The following DMD variants were observed in gnomAD, a reference collection of about 807,000 sequenced individuals.
DMD encodes mutant dystrophin.
A neutral mutation model predicts 330.1 loss-of-function variants in DMD; 63 were observed. That is an observed-to-expected ratio of 0.19 (90% CI 0.16 to 0.24). The LOEUF (loss-of-function observed/expected upper bound fraction) is 0.24, where lower values mean the gene tolerates loss of function less well. Among genes scored for constraint, DMD ranks in the 10% least tolerant of loss-of-function variants. The probability of loss-of-function intolerance (pLI) is 1.00; values close to 1 mark genes in which losing one functional copy is unlikely to be tolerated. For synonymous variants in DMD, 1,223 were observed against 959.8 expected (o/e 1.27, Z -5.07); for missense variants, 3,344 against 2,684.1 (o/e 1.25, Z -5.43).
intron 1 of DMD, among the ~76,000 whole-genome samples, chrX:33,311,497 G>A (rs1339561422): frequency 6.3e-5 from 7 of 110,600 alleles, no homozygotes; most frequent in Non-Finnish European, 9.5e-5. Context: ...AAATAATATG[G>A]TGAAATAGCA....
In DMD at chrX:32,539,518, T is replaced by TA. The variant is rs3073877; in HGVS notation, c.2168+5640dup. 6.3e-3 allele frequency among the ~76,000 whole-genome samples: 667 copies of TA among 105,695 alleles called. 3 individuals are homozygous for TA. The highest frequency in any genetic ancestry group is 0.021 in the African/African-American group (626 of 29,222). The allele number at this position is 105,695 out of a possible 115,157, so 91.8% of individuals were successfully genotyped here. A position where few individuals can be genotyped will look rare whatever the true frequency, so the allele number is the denominator to read the frequency against. ...AGGATCAATTTATCATATAGAACATTAAAAAAAAAAAGTTCACGGACACAT... is the reference window on the plus strand; with the variant it reads ...AGGATCAATTTATCATATAGAACATTAAAAAAAAAAAAGTTCACGGACACAT... On this transcript the variant is annotated intron_variant, in intron 17 of 78. Coordinates refer to ENST00000357033, the MANE Select transcript of DMD (RefSeq NM_004006.3).
chrX:31,723,749 C>G (rs1208664413), intron 52 of DMD, among the ~76,000 whole-genome samples: 1 of 109,359 alleles, frequency 9.1e-6, no homozygotes, highest in Non-Finnish European at 1.9e-5. Flanking sequence ...CCTGAAATAC[C>G]CTTCCCTCTC....
At chrX:32,983,025 C>T (rs2092746256) in intron 2 of DMD, among the ~76,000 whole-genome samples, 1 of 111,963 alleles carries the variant, frequency 8.9e-6, no homozygotes, top group African/African-American at 3.2e-5. Context: ...GTTAGCTCAC[C>T]TGTCTCTTCC....
upstream of DMD, among the ~76,000 whole-genome samples, chrX:33,214,232 A>G (rs1452713046): frequency 9.0e-6 from 1 of 110,962 alleles, no homozygotes. Flanking sequence ...CTGCAAAACA[A>G]TCATGTAGTT....
intron 7 of DMD, among the ~76,000 whole-genome samples, chrX:32,778,304 G>A (rs530193866): frequency 9.3e-6 from 1 of 107,054 alleles, no homozygotes; most frequent in South Asian, 4.1e-4. Flanking sequence ...TTTTCCCTTC[G>A]TGCCTTTTGT....
chrX:32,799,214 C>G (rs1350181665), intron 7 of DMD, among the ~76,000 whole-genome samples: 1 of 110,797 alleles, frequency 9.0e-6, no homozygotes, highest in Non-Finnish European at 1.9e-5. Flanking sequence ...AGGGATTAGC[C>G]AAGCAGAAAA....
At chrX:33,210,993 T>C (rs1428734255) in intron 1 of DMD, among the ~76,000 whole-genome samples, 3 of 111,842 alleles carry the variant, frequency 2.7e-5, no homozygotes, top group Non-Finnish European at 5.6e-5. Context: ...TCTGTTATAG[T>C]CAAATGACAT....
intron 57 of DMD, among the ~76,000 whole-genome samples, chrX:31,487,481 G>A (rs2068907474): frequency 9.0e-6 from 1 of 111,164 alleles, no homozygotes; most frequent in African/African-American, 3.3e-5. Context: ...TGTTAGCCAG[G>A]ATGGTCTTGA....
At chrX:32,214,540 C>A (rs1181296288) in intron 44 of DMD, among the ~76,000 whole-genome samples, 2 of 111,724 alleles carry the variant, frequency 1.8e-5, no homozygotes, top group Non-Finnish European at 3.8e-5. Context: ...AGGAAACAAT[C>A]ACCAGAGCTC....
intron 1 of DMD, among the ~76,000 whole-genome samples, chrX:33,290,023 A>T (rs2053489652): frequency 9.0e-6 from 1 of 111,316 alleles, no homozygotes; most frequent in Non-Finnish European, 1.9e-5. Context: ...AACAAAACGA[A>T]TTCCACCCCA....
chrX:31,697,648 G>A (rs1335960078), intron 52 of DMD, among the ~76,000 whole-genome samples: 1 of 111,915 alleles, frequency 8.9e-6, no homozygotes, highest in Non-Finnish European at 1.9e-5. Flanking sequence ...TTTAATTATC[G>A]ATATACATTC....
At chrX:32,997,672 T>A (rs1056121389) in intron 2 of DMD, among the ~76,000 whole-genome samples, 2 of 112,270 alleles carry the variant, frequency 1.8e-5, no homozygotes, top group Non-Finnish European at 3.8e-5. Context: ...TTCTCTGCCC[T>A]CCCACTATTT....
At chrX:31,673,289 C>T (rs1043314333) in intron 53 of DMD, among the ~76,000 whole-genome samples, 4 of 112,061 alleles carry the variant, frequency 3.6e-5, no homozygotes, top group Admixed American at 9.5e-5. Flanking sequence ...AAAATTGTTG[C>T]CAGCCTTTGG....
At chrX:31,579,084 T>C (rs1415765252) in intron 55 of DMD, among the ~76,000 whole-genome samples, 1 of 111,948 alleles carries the variant, frequency 8.9e-6, no homozygotes, top group Non-Finnish European at 1.9e-5. Context: ...CACATCAACT[T>C]AATCTGTTCA....
chrX:32,573,474 T>A (rs1411610810), intron 15 of DMD, 56 bp downstream of exon 15: 1 of 913,593 alleles, frequency 1.1e-6, no homozygotes, highest in East Asian at 3.1e-5. Flanking sequence ...TAAATAATAG[T>A]GATAATATAC....
intron 7 of DMD, among the ~76,000 whole-genome samples, chrX:32,797,241 G>A (rs1481313117): frequency 2.7e-5 from 3 of 111,306 alleles, no homozygotes; most frequent in Non-Finnish European, 5.6e-5. Context: ...TCCTGCCTTG[G>A]CCTCCCAATG....
intron 55 of DMD, among the ~76,000 whole-genome samples, chrX:31,518,613 G>A (rs1347936216): frequency 3.7e-5 from 4 of 109,437 alleles, no homozygotes; most frequent in Non-Finnish European, 7.6e-5. Context: ...GACCAGATGG[G>A]TCTTTCCAAC....
chrX:32,335,872 GTATAACATGTTATA>G (rs902384794), intron 41 of DMD, among the ~76,000 whole-genome samples: 8 of 103,492 alleles, frequency 7.7e-5, no homozygotes, highest in Non-Finnish European at 1.2e-4. Flanking sequence ...CGTTATATGT[GTATAACATGTTATA>G]TATAACATGT....
chrX:32,655,730 T>A (rs886216437), intron 9 of DMD, among the ~76,000 whole-genome samples: 2 of 111,504 alleles, frequency 1.8e-5, no homozygotes, highest in Non-Finnish European at 3.8e-5. Flanking sequence ...TCTAATGTTG[T>A]CAGTGGGGTG....
Sources: gnomAD v4.1 joint callset for allele counts (sites outside exome capture counted in the v4.1 genomes callset) on GRCh38, gnomAD v4.1.1 for gene constraint, MANE v1.5 for transcripts, NCBI Gene and HGNC (gene_info 2026-07-23, HGNC 2026-07-21) for gene names.